The following PSMC3IP variants were observed in gnomAD, a reference collection of about 807,000 sequenced individuals.
The protein encoded by PSMC3IP is PSMC3 interacting protein.
In PSMC3IP, 26 loss-of-function variants were observed where a neutral mutation model predicts 34.9. That is an observed-to-expected ratio of 0.74 (90% CI 0.55 to 1.03). The LOEUF (loss-of-function observed/expected upper bound fraction) is 1.03. Among genes scored for constraint, PSMC3IP ranks in the 50% least tolerant of loss-of-function variants. PSMC3IP has a pLI of 0.00. For missense variants in PSMC3IP, 250 were observed against 263.1 expected (o/e 0.95, Z 0.34); for synonymous variants, 87 against 96.5 (o/e 0.90, Z 0.57).
Position 42,572,399 on chromosome 17 carries a change from C to T in PSMC3IP, c.*569G>A, listed in dbSNP as rs2093038078. 1 of 454,464 alleles carries T rather than the reference C, an allele frequency of 2.2e-6. No homozygotes were observed. Among genetic ancestry groups the T allele is most frequent in the African/African-American group, 2.0e-5 (1 of 49,982 alleles). 28.2% of individuals were successfully genotyped at this position (454,464 alleles called of 1,614,324 possible). On this transcript the variant is annotated 3_prime_UTR_variant, in exon 8 of 8. Coordinates refer to ENST00000393795, the MANE Select transcript of PSMC3IP (RefSeq NM_016556.4). ...AATATTAACTGAGCCTCAAAATCAC[C>T]CTTTCTGTCAAGCATATCTTGGCCT... is the stretch of plus-strand genomic sequence containing the variant.
intron 3 of PSMC3IP, among the ~76,000 whole-genome samples, chr17:42,574,916 G>A (rs2093065600): frequency 6.6e-6 from 1 of 152,184 alleles, no homozygotes; most frequent in Admixed American, 6.5e-5. Context: ...ACCAAGCGCA[G>A]CTAATTTTTG....
chr17:42,576,863 G>T (rs1397230892), intron 3 of PSMC3IP: 5 of 362,016 alleles, frequency 1.4e-5, no homozygotes, highest in African/African-American at 1.1e-4. Flanking sequence ...GGAGGTCTGG[G>T]CTGGAGAATA....
At chr17:42,573,229 T>G in intron 6 of PSMC3IP, 63 bp from the exon 7 acceptor site, 1 of 1,614,110 alleles carries the variant, frequency 6.2e-7, no homozygotes, top group Non-Finnish European at 8.5e-7. Context: ...TGTCAGTTTA[T>G]GATATTGTGT....
At chr17:42,574,376 A>G in intron 3 of PSMC3IP, 166 bp from the exon 4 acceptor site, 9 of 1,457,356 alleles carry the variant, frequency 6.2e-6, no homozygotes, top group Non-Finnish European at 8.2e-6. Flanking sequence ...AATTGTTTTC[A>G]GTTAAGGAGC....
At position 42,572,982 on chromosome 17, in the gene PSMC3IP, G is replaced by A; in HGVS notation, c.640C>T (p.Leu214Phe). ...CCGTGGGCCCCTCAGGGGTCTGGGA[G>A]TGTGACGTTGTAATCTTCATCCGTC... ...IETDEDYNVT[L>F]PDP Residue 214 changes from leucine (L) to phenylalanine (F), a missense_variant, in exon 8 of 8, where the codon CTC (leucine) becomes TTC (phenylalanine). Leu to Phe is a conservative substitution (Grantham distance 22). Coordinates refer to ENST00000393795, the MANE Select transcript of PSMC3IP (RefSeq NM_016556.4). 6.2e-7 allele frequency: 1 copy of A among 1,614,242 alleles called. No individual in the cohort carries two copies. Among genetic ancestry groups the A allele is most frequent in the Non-Finnish European group, 8.5e-7 (1 of 1,180,042 alleles).
At position 42,577,450 on chromosome 17, in the gene PSMC3IP, A is replaced by G. The variant is rs778209772; in HGVS notation, c.135+11T>C. On this transcript the variant is annotated intron_variant, in intron 2 of 7. Coordinates refer to ENST00000393795, the MANE Select transcript of PSMC3IP (RefSeq NM_016556.4). ...TCCGACGGAGAGGGAATCCCGGGAGAAGGTCCTCACCGCCTTGCCCAGTCC... is the reference window on the plus strand; with the variant it reads ...TCCGACGGAGAGGGAATCCCGGGAGGAGGTCCTCACCGCCTTGCCCAGTCC... 3.7e-6 allele frequency: 6 copies of G among 1,613,534 alleles called. No individual in the cohort carries two copies. Among genetic ancestry groups the G allele is most frequent in the Non-Finnish European group, 4.2e-6 (5 of 1,179,670 alleles).
chr17:42,573,710 C>T (rs2093053344), intron 4 of PSMC3IP, 87 bp from the exon 5 acceptor site: 1 of 1,563,312 alleles, frequency 6.4e-7, no homozygotes, highest in African/African-American at 1.4e-5. Flanking sequence ...GGTGTTCCAC[C>T]TTGCTCTGGA....
At chr17:42,573,767 T>C in intron 4 of PSMC3IP, 144 bp from the exon 5 acceptor site, 2 of 1,497,546 alleles carry the variant, frequency 1.3e-6, no homozygotes, top group Non-Finnish European at 1.8e-6. Context: ...TATTTATTCT[T>C]CTAATTTTCT....
At chr17:42,577,085 T>C in intron 3 of PSMC3IP, 128 bp downstream of exon 3, 1 of 1,549,170 alleles carries the variant, frequency 6.5e-7, no homozygotes, top group Non-Finnish European at 8.7e-7. Context: ...CACACCTTGA[T>C]TTAAGGATGG....
intron 3 of PSMC3IP, chr17:42,577,012 C>G (rs976771232): frequency 1.2e-5 from 15 of 1,290,856 alleles, no homozygotes; most frequent in Non-Finnish European, 1.6e-5. Context: ...ACAGAATCTT[C>G]TGTCATCCAT....
Position 42,572,781 on chromosome 17 carries a change from A to AC in PSMC3IP, c.*186dup, listed in dbSNP as rs2093042347. ...TTAGACAATGAAATGGGCTGGGTCT[A>AC]CCCCCAGCCACCAGCCCTCATCCTC... is the stretch of plus-strand genomic sequence containing the variant. On this transcript the variant is annotated 3_prime_UTR_variant, in exon 8 of 8. Transcript: ENST00000393795. 1.4e-6 allele frequency: 1 copy of AC among 722,710 alleles called. No individual in the cohort carries two copies. The highest frequency in any genetic ancestry group is 1.7e-5 in the African/African-American group (1 of 57,430). The allele number at this position is 722,710 out of a possible 1,614,324, so 44.8% of individuals were successfully genotyped here.
rs771358641 is a variant in PSMC3IP, at chr17:42,573,084, AGAAG to A, written c.597+19_597+22del. ...CCAGGATAAGACCACAGGGAAGCAA[AGAAG>A]GAAGAGAGCTCCACTTACAAAGAAC... On this transcript the variant is annotated intron_variant, in intron 7 of 7. Transcript: ENST00000393795. 2.7e-5 allele frequency: 43 copies of A among 1,614,054 alleles called. No individual in the cohort carries two copies. In the African/African-American group the frequency reaches 4.5e-4, roughly 17 times the overall value.
In PSMC3IP at chr17:42,572,360, G is replaced by A. The variant is rs954238807; in HGVS notation, c.*608C>T. 1.1e-5 allele frequency: 5 copies of A among 454,442 alleles called. No individual in the cohort carries two copies. The highest frequency in any genetic ancestry group is 3.1e-5 in the South Asian group (2 of 64,446). 28.2% of individuals were successfully genotyped at this position (454,442 alleles called of 1,614,324 possible). ...CTAAATACCAATGCAGTTTTGCTAC[G>A]GTTACAATTTTGAAATATTAACTGA... On this transcript the variant is annotated 3_prime_UTR_variant, in exon 8 of 8. Coordinates refer to ENST00000393795, the MANE Select transcript of PSMC3IP (RefSeq NM_016556.4).
chr17:42,573,755 A>C, intron 4 of PSMC3IP, 132 bp from the exon 5 acceptor site: 1 of 1,506,180 alleles, frequency 6.6e-7, no homozygotes, highest in Admixed American at 2.0e-5. Context: ...GCCATACAGG[A>C]TTATTTATTC....
At chr17:42,574,073 A>T (rs759980859) in intron 4 of PSMC3IP, 26 bp downstream of exon 4, 3 of 1,613,774 alleles carry the variant, frequency 1.9e-6, no homozygotes, top group Non-Finnish European at 2.5e-6. Context: ...GCCTATGGGC[A>T]CTTTGGAGGG....
Position 42,573,116 on chromosome 17 carries a change from C to T in PSMC3IP, c.588G>A (p.Lys196=). The T allele has an allele frequency of 1.9e-6, 3 of 1,614,256 alleles. No individual in the cohort carries two copies. Among genetic ancestry groups the T allele is most frequent in the Non-Finnish European group, 2.5e-6 (3 of 1,180,034 alleles). The change falls in exon 7 of 8, where the codon AAG becomes AAA. Residue 196 remains lysine, a synonymous_variant. Coordinates refer to ENST00000393795, the MANE Select transcript of PSMC3IP (RefSeq NM_016556.4). The part of the protein sequence containing the change: ...AILEGYPKSK[K]QFFEEVGIET... The stretch of plus-strand genomic sequence containing the variant: ...AGAGAGCTCCACTTACAAAGAACTG[C>T]TTCTTGCTCTTGGGGTATCCTTCAA...
chr17:42,574,418 G>C, intron 3 of PSMC3IP: 1 of 1,300,978 alleles, frequency 7.7e-7, no homozygotes, highest in Middle Eastern at 2.9e-4. Context: ...AAGAAAAGCT[G>C]AAATCTAATG....
rs2292752 is a variant in PSMC3IP, at chr17:42,573,638, G to T, written c.338-15C>A. 4.9e-4 allele frequency: 786 copies of T among 1,613,382 alleles called. 1 individual carries two copies. The highest frequency in any genetic ancestry group is 6.4e-4 in the Non-Finnish European group (759 of 1,179,594). On this transcript the variant is annotated splice_polypyrimidine_tract_variant and intron_variant, in intron 4 of 7. Coordinates refer to ENST00000393795, the MANE Select transcript of PSMC3IP (RefSeq NM_016556.4). ...TTCCTTGAGCTCTGAAACCACATCC[G>T]CCTGGGGTCACTTGCTACCCCTGAG...
rs776447947 is a variant in PSMC3IP, at chr17:42,577,697, G to C, written c.-11C>G. On this transcript the variant is annotated 5_prime_UTR_variant, in exon 1 of 8. Coordinates refer to ENST00000393795, the MANE Select transcript of PSMC3IP (RefSeq NM_016556.4). ...CCGGCCTTTACTCATCGCCTTTCCC[G>C]CCACCCAACTCAGAAAGCCGGACGT... 1.2e-6 allele frequency: 2 copies of C among 1,613,920 alleles called. No homozygotes were observed. The highest frequency in any genetic ancestry group is 2.2e-5 in the South Asian group (2 of 91,086).
Sources: allele counts gnomAD v4.1 joint callset (sites outside exome capture counted in the v4.1 genomes callset), GRCh38; gene constraint gnomAD v4.1.1; transcripts MANE v1.5; gene names NCBI Gene and HGNC (gene_info 2026-07-23, HGNC 2026-07-21).